Variants in SACS observed in about 807,000 individuals in gnomAD.
The protein encoded by SACS is sacsin.
SACS carries 197 observed loss-of-function variants against 348.0 expected under a neutral mutation model. That is an observed-to-expected ratio of 0.57 (90% CI 0.50 to 0.64). The LOEUF is 0.64. SACS is among the 30% of genes least tolerant of loss of function. The pLI is 0.00. For synonymous variants in SACS, 1,985 were observed against 1,910.6 expected (o/e 1.04, Z -1.02); for missense variants, 4,999 against 5,360.8 (o/e 0.93, Z 2.11).
chr13:23,411,197 ATT>A (rs917113032), intron 2 of SACS, 21 bp downstream of exon 2: 1 of 1,588,738 alleles, frequency 6.3e-7, no homozygotes, highest in Non-Finnish European at 8.6e-7. Context: ...AATTATTGTC[ATT>A]TAAAACATTA....
intron 2 of SACS, among the ~76,000 whole-genome samples, chr13:23,396,089 C>A (rs753992231): frequency 6.6e-6 from 1 of 151,996 alleles, no homozygotes; most frequent in African/African-American, 2.4e-5. Flanking sequence ...TTTGGGAGGC[C>A]GAGGTGGACA....
Position 23,335,372 on chromosome 13 carries a change from C to A in SACS, c.8504G>T (p.Ser2835Ile). The A allele has an allele frequency of 6.2e-7, 1 of 1,613,892 alleles. No homozygotes were observed. The highest frequency in any genetic ancestry group is 1.3e-5 in the African/African-American group (1 of 75,036). ...TTGGTTCTTGTGAGCTGATATGACACTTTTAGATACTTTCTCCATACTTGA... is the reference window on the plus strand; with the variant it reads ...TTGGTTCTTGTGAGCTGATATGACAATTTTAGATACTTTCTCCATACTTGA... ...GFSSMEKVSKSVISAHKNQDI... is the reference protein window; with the variant it reads ...GFSSMEKVSKIVISAHKNQDI... The change falls in exon 10 of 10, where the codon AGT becomes ATT. Residue 2835 changes from serine (S) to isoleucine (I), a missense_variant. By Grantham distance (142) the Ser-to-Ile change is moderately radical. Around this residue, in one of 6 missense-constraint regions of SACS, gnomAD observed 3,156 missense variants for 3,380.1 expected, o/e 0.93. Transcript: ENST00000382292. This position sits in a 1 kb window ranked among gnomAD's most constrained non-coding sequence, Gnocchi z 4.7.
intron 2 of SACS, among the ~76,000 whole-genome samples, chr13:23,401,238 A>C (rs1872965844): frequency 6.6e-6 from 1 of 152,204 alleles, no homozygotes; most frequent in African/African-American, 2.4e-5. Flanking sequence ...CTTAGGGCCA[A>C]CCTGCCTCCC....
At chr13:23,389,824 T>C (rs1872458077) in intron 2 of SACS, among the ~76,000 whole-genome samples, 1 of 152,250 alleles carries the variant, frequency 6.6e-6, no homozygotes, top group African/African-American at 2.4e-5. Flanking sequence ...TTCTACTCTT[T>C]CTGCTTTTTG....
intron 1 of SACS, among the ~76,000 whole-genome samples, chr13:23,417,292 A>G (rs1873725493): frequency 6.6e-6 from 1 of 152,250 alleles, no homozygotes; most frequent in African/African-American, 2.4e-5. Context: ...AATTCAAAGC[A>G]ATTTGAATCA....
chr13:23,368,543 C>T, intron 4 of SACS, 56 bp from the exon 5 acceptor site: 2 of 1,249,104 alleles, frequency 1.6e-6, no homozygotes, highest in Non-Finnish European at 2.3e-6. Flanking sequence ...TGAATTGTCA[C>T]CAATGTGTGA....
chr13:23,418,007 C>A (rs145037464), intron 1 of SACS, among the ~76,000 whole-genome samples: 1 of 142,574 alleles, frequency 7.0e-6, no homozygotes, highest in Admixed American at 7.3e-5. Flanking sequence ...AGGCAGTCTG[C>A]AATGAGCTTA....
At chr13:23,385,344 A>G (rs935923805) in intron 2 of SACS, among the ~76,000 whole-genome samples, 1 of 149,800 alleles carries the variant, frequency 6.7e-6, no homozygotes, top group Non-Finnish European at 1.5e-5. Flanking sequence ...ACCTTCTCCC[A>G]TGAATCATGG....
intron 1 of SACS, among the ~76,000 whole-genome samples, chr13:23,413,003 G>A (rs1873556255): frequency 6.6e-6 from 1 of 152,094 alleles, no homozygotes; most frequent in African/African-American, 2.4e-5. Context: ...TTGAGAAGGA[G>A]TTTCGCTCTT....
At chr13:23,374,547 G>T (rs1272071394) in intron 3 of SACS, among the ~76,000 whole-genome samples, 1 of 152,170 alleles carries the variant, frequency 6.6e-6, no homozygotes, top group Non-Finnish European at 1.5e-5. Context: ...GAAAGCTATA[G>T]AATTTTAACC....
intron 1 of SACS, among the ~76,000 whole-genome samples, chr13:23,412,136 G>A (rs1439493629): frequency 2.0e-5 from 3 of 152,104 alleles, no homozygotes; most frequent in Admixed American, 2.0e-4. Context: ...GCGGGCGCCT[G>A]TAGTCCCAGC....
rs1868407892 is a variant in SACS, at chr13:23,334,655, T to C, written c.9221A>G (p.Asp3074Gly). 1.2e-6 allele frequency: 2 copies of C among 1,613,558 alleles called. No individual in the cohort carries two copies. Among genetic ancestry groups the C allele is most frequent in the Non-Finnish European group, 1.7e-6 (2 of 1,179,638 alleles). ...EIGFNLVYNC[D>G]ETANLYHCLI... ...ACAGTGGTAAAGATTAGCAGTTTCA[T>C]CACAGTTATAAACCAAGTTGAAACC... is the stretch of plus-strand genomic sequence containing the variant. The change falls in exon 10 of 10, where the codon GAT becomes GGT. Residue 3074 changes from aspartate to glycine, a missense_variant. Transcript: ENST00000382292.
At chr13:23,366,767 G>A (rs191779766) in intron 5 of SACS, among the ~76,000 whole-genome samples, 1 of 152,298 alleles carries the variant, frequency 6.6e-6, no homozygotes, top group Non-Finnish European at 1.5e-5. Flanking sequence ...TTGCAATCCT[G>A]AGAGATTGTT....
At position 23,334,068 on chromosome 13, in the gene SACS, T is replaced by C; in HGVS notation, c.9808A>G (p.Ile3270Val). ...CAGTCTTTTAGAGTATCAACAACAA[T>C]GTCAAATGTTGGTTTTGTTTCTTCC... Reference protein sequence around the residue: ...DQEETKPTFDIVVDTLKDWAL... With the variant: ...DQEETKPTFDVVVDTLKDWAL... Residue 3270 changes from isoleucine to valine, a missense_variant, in exon 10 of 10, where the codon ATT becomes GTT. Physicochemically the swap from Ile to Val is conservative, Grantham distance 29. Around this residue, in one of 6 missense-constraint regions of SACS, gnomAD observed 734 missense variants for 694.0 expected, o/e 1.06. Coordinates refer to ENST00000382292, the MANE Select transcript of SACS (RefSeq NM_014363.6). 6.2e-7 allele frequency: 1 copy of C among 1,613,754 alleles called. No individual in the cohort carries two copies. Among genetic ancestry groups the C allele is most frequent in the Non-Finnish European group, 8.5e-7 (1 of 1,179,748 alleles).
intron 2 of SACS, among the ~76,000 whole-genome samples, chr13:23,407,390 G>A (rs1028571866): frequency 6.6e-6 from 1 of 152,044 alleles, no homozygotes; most frequent in Non-Finnish European, 1.5e-5. Context: ...TAGTAGAGAC[G>A]GGGTTTCACC....
Position 23,411,337 on chromosome 13 carries a change from C to A in SACS, c.-98G>T, listed in dbSNP as rs1274257469. 1.8e-6 allele frequency: 2 copies of A among 1,097,766 alleles called. No individual in the cohort carries two copies. The highest frequency in any genetic ancestry group is 3.1e-5 in the African/African-American group (2 of 65,382). 68.0% of individuals were successfully genotyped at this position (1,097,766 alleles called of 1,614,324 possible). On this transcript the variant is annotated 5_prime_UTR_variant, in exon 2 of 10. Coordinates refer to ENST00000382292, the MANE Select transcript of SACS (RefSeq NM_014363.6). ...TCTGTGCTTCCTTTAAATGTGTACT[C>A]CAAGTTCAGCTCTTCCTGCCAGGTG...
chr13:23,384,441 A>G (rs1274524509), intron 2 of SACS, among the ~76,000 whole-genome samples: 1 of 152,200 alleles, frequency 6.6e-6, no homozygotes, highest in East Asian at 1.9e-4. Flanking sequence ...ATAACCACTT[A>G]CCATCTCTGT....
Position 23,355,211 on chromosome 13 carries a change from G to T in SACS, c.1401C>A (p.Phe467Leu). 1 of 1,614,176 alleles carries T rather than the reference G, an allele frequency of 6.2e-7. No homozygotes were observed. Among genetic ancestry groups the T allele is most frequent in the Non-Finnish European group, 8.5e-7 (1 of 1,180,026 alleles). ...STGLPVHISG[F>L]FGLTDNRRSI... ...TCCTGCGGTTATCAGTAAGGCCAAAGAACCCACTGATGTGAACTGGGAGGC... is the reference window on the plus strand; with the variant it reads ...TCCTGCGGTTATCAGTAAGGCCAAATAACCCACTGATGTGAACTGGGAGGC... The change falls in exon 8 of 10, where the codon TTC becomes TTA. Residue 467 changes from phenylalanine (F) to leucine (L), a missense_variant. This residue lies in a region of SACS where 3,156 missense variants were observed against 3,380.1 expected (regional missense o/e 0.93). Transcript: ENST00000382292.
chr13:23,375,624 C>G, intron 2 of SACS: 1 of 960,222 alleles, frequency 1.0e-6, no homozygotes, highest in Non-Finnish European at 1.2e-6. Context: ...CCCGCCGGGA[C>G]CGTTAGCTGG....
Sources: gnomAD v4.1 joint callset for allele counts (sites outside exome capture counted in the v4.1 genomes callset) on GRCh38, gnomAD v4.1.1 for gene constraint, gnomAD v4.1.1 regional missense constraint, Gnocchi (gnomAD v3.1) non-coding constraint, MANE v1.5 for transcripts, NCBI Gene and HGNC (gene_info 2026-07-23, HGNC 2026-07-21) for gene names.